MACO1: variants seen among roughly 807,000 people sequenced by gnomAD.
MACO1 encodes macoilin 1, also known as macoilin.
Under a neutral mutation model 78.7 loss-of-function variants are expected in MACO1, and 14 were observed. That is an observed-to-expected ratio of 0.18 (90% confidence interval 0.12 to 0.28). The LOEUF is 0.28. Among genes scored for constraint, MACO1 ranks in the 10% least tolerant of loss-of-function variants. MACO1 has a pLI of 1.00. For missense variants in MACO1, 501 were observed against 799.0 expected (o/e 0.63, Z 4.50); for synonymous variants, 288 against 291.6 (o/e 0.99, Z 0.12).
At chr1:25,457,120 G>T in intron 5 of MACO1, among the ~76,000 whole-genome samples, 2 of 149,994 alleles carry the variant, frequency 1.3e-5, no homozygotes, top group Non-Finnish European at 3.0e-5. Flanking sequence ...AGTTTTTTGA[G>T]ACAGGGAGGG....
chr1:25,464,251 A>G (rs1275242603), intron 6 of MACO1, among the ~76,000 whole-genome samples: 1 of 150,458 alleles, frequency 6.6e-6, no homozygotes, highest in Non-Finnish European at 1.5e-5. Flanking sequence ...TTGGAATGAT[A>G]TTACATAGCC....
chr1:25,471,993 C>G (rs552745694), intron 6 of MACO1, among the ~76,000 whole-genome samples: 1 of 152,250 alleles, frequency 6.6e-6, no homozygotes, highest in Non-Finnish European at 1.5e-5. Flanking sequence ...AAGGCATTTG[C>G]TCTGGCAGTG....
At chr1:25,455,434 C>T (rs1454074657) in intron 4 of MACO1, among the ~76,000 whole-genome samples, 1 of 152,010 alleles carries the variant, frequency 6.6e-6, no homozygotes. Flanking sequence ...ATACTGTTTC[C>T]AGTATTTTTA....
chr1:25,457,130 G>A (rs1040603336), intron 5 of MACO1, among the ~76,000 whole-genome samples: 5 of 151,290 alleles, frequency 3.3e-5, no homozygotes, highest in Non-Finnish European at 7.4e-5. Context: ...GACAGGGAGG[G>A]TCTCACTCTG....
intron 6 of MACO1, among the ~76,000 whole-genome samples, chr1:25,461,581 C>T (rs780139595): frequency 6.6e-6 from 1 of 151,346 alleles, no homozygotes; most frequent in South Asian, 2.1e-4. Context: ...CCTTCCCCCC[C>T]CTCAAAAAAA....
At chr1:25,492,372 C>T (rs1306297631) in intron 10 of MACO1, among the ~76,000 whole-genome samples, 1 of 152,070 alleles carries the variant, frequency 6.6e-6, no homozygotes, top group East Asian at 1.9e-4. Context: ...GCAGGGGTCT[C>T]CCTTTTTAAC....
At chr1:25,497,492 A>G (rs922610059) in intron 10 of MACO1, among the ~76,000 whole-genome samples, 4 of 152,168 alleles carry the variant, frequency 2.6e-5, no homozygotes, top group African/African-American at 9.7e-5. Flanking sequence ...AGCTAGCTTC[A>G]CAAAGAAAGC....
chr1:25,479,787 A>T (rs961458413), intron 6 of MACO1, among the ~76,000 whole-genome samples: 4 of 152,194 alleles, frequency 2.6e-5, no homozygotes, highest in Admixed American at 6.5e-5. Context: ...CTTAGAAAAT[A>T]GGATTGTATA....
At chr1:25,442,712 T>TG (rs1158243017) in intron 1 of MACO1, among the ~76,000 whole-genome samples, 12 of 99,312 alleles carry the variant, frequency 1.2e-4, no homozygotes, top group Non-Finnish European at 2.1e-5. Flanking sequence ...AGGAATAGAA[T>TG]GGGGGGAAAC....
At chr1:25,456,608 T>C in intron 4 of MACO1, 45 bp from the exon 5 acceptor site, 2 of 1,587,048 alleles carry the variant, frequency 1.3e-6, no homozygotes, top group Middle Eastern at 1.7e-4. Context: ...GCACATGTGG[T>C]TCATTTTAAA....
At chr1:25,471,239 T>C (rs1420008729) in intron 6 of MACO1, among the ~76,000 whole-genome samples, 3 of 151,208 alleles carry the variant, frequency 2.0e-5, no homozygotes, top group Non-Finnish European at 2.9e-5. Context: ...CTCAAGAGGC[T>C]GAGGCATGCA....
intron 1 of MACO1, among the ~76,000 whole-genome samples, chr1:25,437,686 A>G (rs9438905): frequency 0.58 from 88,873 of 151,950 alleles, 27,293 homozygotes; most frequent in African/African-American, 0.76. Flanking sequence ...TTGGGAGGCT[A>G]AGGCAAGAGG....
In MACO1 at chr1:25,431,084, C is replaced by G. The variant is rs757656415; in HGVS notation, c.-15C>G. Reference sequence around the variant, plus strand: ...CGGCGGCGGCGGCGCGGGCACCCGGCCCCCCAGCGGGAGGATGAAGCGGCG... The same window carrying G: ...CGGCGGCGGCGGCGCGGGCACCCGGGCCCCCAGCGGGAGGATGAAGCGGCG... On this transcript the variant is annotated 5_prime_UTR_variant, in exon 1 of 11. Transcript: ENST00000374343. The G allele has an allele frequency of 6.4e-7, 1 of 1,574,340 alleles. No individual in the cohort carries two copies. Among genetic ancestry groups the G allele is most frequent in the Non-Finnish European group, 8.6e-7 (1 of 1,163,240 alleles).
At chr1:25,480,483 T>A (rs966127836) in intron 6 of MACO1, among the ~76,000 whole-genome samples, 8 of 152,358 alleles carry the variant, frequency 5.3e-5, no homozygotes, top group African/African-American at 1.7e-4. Flanking sequence ...TATTGAAGTA[T>A]AACATATATA....
chr1:25,472,903 G>A (rs2043286468), intron 6 of MACO1, among the ~76,000 whole-genome samples: 3 of 152,188 alleles, frequency 2.0e-5, no homozygotes, highest in Admixed American at 2.0e-4. Context: ...AAAAATGTAT[G>A]AAATTTTAGA....
chr1:25,471,852 T>C (rs1476664984), intron 6 of MACO1, among the ~76,000 whole-genome samples: 1 of 152,214 alleles, frequency 6.6e-6, no homozygotes, highest in Non-Finnish European at 1.5e-5. Flanking sequence ...CTTTTCTTGG[T>C]ATTTCACAGA....
intron 8 of MACO1, 45 bp from the exon 9 acceptor site, chr1:25,489,126 CTA>C: frequency 6.3e-7 from 1 of 1,589,070 alleles, no homozygotes; most frequent in Non-Finnish European, 8.6e-7. Context: ...CAGCCCCAAC[CTA>C]TAGTCTTTTA....
rs2043462247 is a variant in MACO1 at position 25,489,183 on chromosome 1, A to T, written c.1507A>T (p.Thr503Ser). 6.2e-7 allele frequency: 1 copy of T among 1,613,820 alleles called. No homozygotes were observed. The highest frequency in any genetic ancestry group is 8.5e-7 in the Non-Finnish European group (1 of 1,179,930). The change falls in exon 9 of 11, where the codon ACC (threonine) becomes TCC (serine). Residue 503 changes from threonine to serine, a missense_variant. Transcript: ENST00000374343. ...AFAAASRGECTETLRNRIREL... is the reference protein window; with the variant it reads ...AFAAASRGECSETLRNRIREL... ...CTTCTTTTTCAAAAGGGGAGAATGC[A>T]CCGAAACCTTACGGAATCGGATCAG...
rs2124607580 is a variant in MACO1, at chr1:25,484,182, C to T, written c.1221C>T (p.Leu407=). The T allele has an allele frequency of 6.2e-7, 1 of 1,614,086 alleles. No homozygotes were observed. Among genetic ancestry groups the T allele is most frequent in the Non-Finnish European group, 8.5e-7 (1 of 1,180,016 alleles). ...CCAGCAGACAAGTGGAACAAGAGCT[C>T]CGCAGTCAGATCAGCTCCCTTTCGA... ...LQASRQVEQE[L]RSQISSLSST... is the part of the protein sequence containing the mutation. The change falls in exon 7 of 11, where the codon CTC becomes CTT. Residue 407 remains leucine (L), a synonymous_variant. Transcript: ENST00000374343.
Sources: gnomAD v4.1 joint callset for allele counts (sites outside exome capture counted in the v4.1 genomes callset) on GRCh38, gnomAD v4.1.1 for gene constraint, MANE v1.5 for transcripts, NCBI Gene and HGNC (gene_info 2026-07-23, HGNC 2026-07-21) for gene names.